Variants in SGCD observed in about 807,000 individuals in gnomAD.
SGCD encodes delta-sarcoglycan.
Under a neutral mutation model 36.6 loss-of-function variants are expected in SGCD, and 18 were observed. The ratio of observed to expected loss-of-function variants is 0.49; its 90% confidence interval spans 0.34 to 0.73. SGCD has a LOEUF of 0.73. Among genes scored for constraint, SGCD ranks in the 30% least tolerant of loss-of-function variants. SGCD has a pLI of 0.01. For synonymous variants in SGCD, 133 were observed against 130.6 expected (o/e 1.02, Z -0.12); for missense variants, 387 against 346.7 (o/e 1.12, Z -0.92).
Position 156,508,634 on chromosome 5 carries a change from G to T in SGCD, c.226G>T (p.Gly76Cys), listed in dbSNP as rs376659221. The stretch of plus-strand genomic sequence containing the variant: ...GGGAAACCTGAGGATCACAGAAAAA[G>T]GTCTAAAGCTAGAAGGAGACTCTGA... ...GMGNLRITEK[G>C]LKLEGDSEFL... The change falls in exon 4 of 9, where the codon GGT becomes TGT. Residue 76 changes from glycine (G) to cysteine (C), a missense_variant. Physicochemically the swap from Gly to Cys is radical, Grantham distance 159 (BLOSUM62 -3). Coordinates refer to ENST00000337851, the MANE Select transcript of SGCD (RefSeq NM_000337.6). 2 of 1,611,482 alleles carry T rather than the reference G, an allele frequency of 1.2e-6. No homozygotes were observed. Among genetic ancestry groups the T allele is most frequent in the East Asian group, 2.2e-5 (1 of 44,806 alleles).
At chr5:155,965,247 T>C (rs1399574122) in intron 1 of SGCD, among the ~76,000 whole-genome samples, 4 of 152,170 alleles carry the variant, frequency 2.6e-5, no homozygotes, top group Admixed American at 1.3e-4. Context: ...TAGATATCCA[T>C]GGCAAATGAT....
At chr5:155,767,135 A>G in the SGCD span, among the ~76,000 whole-genome samples, 4 of 152,328 alleles carry the variant, frequency 2.6e-5, no homozygotes, top group African/African-American at 7.2e-5. Context: ...CACCACATAC[A>G]TGTGTAACTT....
intron 3 of SGCD, among the ~76,000 whole-genome samples, chr5:156,368,285 G>A (rs1770212022): frequency 6.6e-6 from 1 of 151,910 alleles, no homozygotes; most frequent in Admixed American, 6.6e-5. Flanking sequence ...TAGCGACCGA[G>A]TTTCACCATC....
At chr5:156,681,773 C>A (rs535717772) in intron 7 of SGCD, among the ~76,000 whole-genome samples, 1 of 152,184 alleles carries the variant, frequency 6.6e-6, no homozygotes, top group Non-Finnish European at 1.5e-5. Context: ...AAAAGAAACT[C>A]TACCATAGTC....
intron 4 of SGCD, among the ~76,000 whole-genome samples, chr5:156,514,504 T>C (rs1757076256): frequency 6.6e-6 from 1 of 152,174 alleles, no homozygotes; most frequent in Non-Finnish European, 1.5e-5. Context: ...AAAAATTAAC[T>C]TACATTAGGA....
At position 156,746,022 on chromosome 5, in the gene SGCD, G is replaced by GT. The variant is rs1330814166; in HGVS notation, c.576-11558dup. 3.4e-5 allele frequency among the ~76,000 whole-genome samples: 5 copies of GT among 147,494 alleles called. No homozygotes were observed. The East Asian group carries it at 7.9e-4, about 23-fold the overall frequency. On this transcript the variant is annotated intron_variant, in intron 7 of 8. Transcript: ENST00000337851. ...AGACACAAAACCACAAGTTTAAAGGGTAAAAAAAAAAAATTAAATTAAAAT... is the reference window on the plus strand; with the variant it reads ...AGACACAAAACCACAAGTTTAAAGGGTTAAAAAAAAAAAATTAAATTAAAAT...
chr5:156,642,136 C>A (rs1354627700), intron 6 of SGCD, among the ~76,000 whole-genome samples: 1 of 152,088 alleles, frequency 6.6e-6, no homozygotes, highest in Non-Finnish European at 1.5e-5. Context: ...GTCTTTTTCT[C>A]TTCTTCTGAG....
At chr5:156,194,112 A>G (rs184564701) in intron 3 of SGCD, among the ~76,000 whole-genome samples, 1 of 152,336 alleles carries the variant, frequency 6.6e-6, no homozygotes, top group African/African-American at 2.4e-5. Context: ...GCTGTGGCTC[A>G]TGCCTGTAAT....
At chr5:156,467,829 A>G (rs1754782052) in intron 3 of SGCD, among the ~76,000 whole-genome samples, 1 of 152,238 alleles carries the variant, frequency 6.6e-6, no homozygotes, top group Admixed American at 6.5e-5. Flanking sequence ...GTTGCTGTTC[A>G]TATTCTCTGG....
chr5:155,804,515 C>T, the SGCD span, among the ~76,000 whole-genome samples: 1 of 152,144 alleles, frequency 6.6e-6, no homozygotes, highest in Non-Finnish European at 1.5e-5. Flanking sequence ...CACTGTGTGC[C>T]TTTCTTGCTG....
chr5:156,218,872 A>T (rs1764647460), intron 3 of SGCD, among the ~76,000 whole-genome samples: 1 of 152,224 alleles, frequency 6.6e-6, no homozygotes, highest in African/African-American at 2.4e-5. Context: ...CCCTATTTAT[A>T]CATAATGCTG....
At chr5:156,177,548 T>C (rs1763503726) in intron 3 of SGCD, among the ~76,000 whole-genome samples, 1 of 151,898 alleles carries the variant, frequency 6.6e-6, no homozygotes, top group Non-Finnish European at 1.5e-5. Context: ...TCTCGGGAGC[T>C]GTTTGTTTGT....
chr5:155,926,512 T>C (rs1757000096), intron 1 of SGCD, among the ~76,000 whole-genome samples: 1 of 152,230 alleles, frequency 6.6e-6, no homozygotes, highest in African/African-American at 2.4e-5. Flanking sequence ...CAAATAGATA[T>C]ATAAAGTAAA....
intron 3 of SGCD, among the ~76,000 whole-genome samples, chr5:156,242,308 G>A (rs1765325152): frequency 6.6e-6 from 1 of 152,168 alleles, no homozygotes. Flanking sequence ...GAGTAGATTA[G>A]TGGCAGGATT....
chr5:156,383,043 C>T (rs1486731611), intron 3 of SGCD, among the ~76,000 whole-genome samples: 3 of 152,146 alleles, frequency 2.0e-5, no homozygotes, highest in African/African-American at 7.2e-5. Flanking sequence ...AGTAGATAGG[C>T]ATTCATGAAT....
intron 7 of SGCD, among the ~76,000 whole-genome samples, chr5:156,698,564 C>T (rs1482269807): frequency 6.6e-6 from 1 of 152,172 alleles, no homozygotes; most frequent in African/African-American, 2.4e-5. Context: ...AGATGGTATT[C>T]GGCTTGTGCT....
intron 3 of SGCD, among the ~76,000 whole-genome samples, chr5:156,416,901 G>A (rs1773072430): frequency 6.6e-6 from 1 of 152,170 alleles, no homozygotes; most frequent in Non-Finnish European, 1.5e-5. Flanking sequence ...GTGGAAAATG[G>A]CATGTGATTG....
rs539895773 is a variant in SGCD at position 156,398,267 on chromosome 5, A to G, written c.192+53590A>G. ...AGAAAGTGCAGTTAAGTTTTACTTG[A>G]AGGGAAAAAGCAGTGGAAAACCCGG... is the stretch of plus-strand genomic sequence containing the variant. On this transcript the variant is annotated intron_variant, in intron 3 of 8. Transcript: ENST00000337851. 2.0e-5 allele frequency among the ~76,000 whole-genome samples: 3 copies of G among 152,324 alleles called. No homozygotes were observed. The South Asian group carries it at 6.2e-4, about 32-fold the overall frequency.
rs1332449259 is a variant in SGCD, at chr5:156,406,805, TATATATATATATATAC to T, written c.192+62130_192+62145del. ...ATAGGAGATTTTATATATATATATATATATATATATATATACACACACACACACACACACACATATA... is the reference window on the plus strand; with the variant it reads ...ATAGGAGATTTTATATATATATATATACACACACACACACACACACATATA... On this transcript the variant is annotated intron_variant, in intron 3 of 8. Transcript: ENST00000337851. 4.3e-4 allele frequency among the ~76,000 whole-genome samples: 36 copies of T among 84,118 alleles called. No homozygotes were observed. The South Asian group carries it at 5.9e-3, about 14-fold the overall frequency. The allele number at this position is 84,118 out of a possible 152,430, so 55.2% of individuals were successfully genotyped here.
Sources: allele counts gnomAD v4.1 joint callset (sites outside exome capture counted in the v4.1 genomes callset), GRCh38; gene constraint gnomAD v4.1.1; transcripts MANE v1.5; gene names NCBI Gene and HGNC (gene_info 2026-07-23, HGNC 2026-07-21).